The following ST7L variants were observed in gnomAD, a reference collection of about 807,000 sequenced individuals.
The protein encoded by ST7L is suppressor of tumorigenicity 7 protein-like.
A neutral mutation model predicts 72.5 loss-of-function variants in ST7L; 57 were observed. That is an observed-to-expected ratio of 0.79 (90% CI 0.64 to 0.98). ST7L has a LOEUF of 0.98. Ranked by LOEUF, ST7L falls within the 50% of genes least tolerant of loss-of-function variation. The pLI, the probability that ST7L is intolerant of heterozygous loss-of-function variation, is 0.00. For missense variants in ST7L, 576 were observed against 672.2 expected (o/e 0.86, Z 1.58); for synonymous variants, 221 against 240.9 (o/e 0.92, Z 0.77).
chr1:112,534,067 C>G (rs1012407141), intron 14 of ST7L, among the ~76,000 whole-genome samples: 3 of 152,172 alleles, frequency 2.0e-5, no homozygotes, highest in African/African-American at 7.2e-5. Flanking sequence ...CCCACTGATA[C>G]TTGTCTTTGC....
In ST7L at chr1:112,526,040, T is replaced by C; in HGVS notation, c.1701A>G (p.Ser567=). The stretch of plus-strand genomic sequence containing the variant: ...AGCCAGAACTCAAACCTAGGTCTTC[T>C]GACTTCAAATCCTGTGTATTCTCCT... ...GFEENTQDLK[S]EDLGLSSG Residue 567 remains serine, a synonymous_variant, in exon 15 of 15, where the codon TCA becomes TCG. Coordinates refer to ENST00000358039, the MANE Select transcript of ST7L (RefSeq NM_017744.5). 2.8e-5 allele frequency: 45 copies of C among 1,614,214 alleles called. No homozygotes were observed. The highest frequency in any genetic ancestry group is 3.8e-5 in the Non-Finnish European group (45 of 1,180,044).
Position 112,542,073 on chromosome 1 carries a change from C to T in ST7L, c.1507G>A (p.Val503Ile). The T allele has an allele frequency of 6.2e-7, 1 of 1,609,736 alleles. No individual in the cohort carries two copies. Among genetic ancestry groups the T allele is most frequent in the South Asian group, 1.1e-5 (1 of 90,042 alleles). ...AAAGGAAGCTCCTTTTTTGGGTAAA[C>T]AGAAACATGATGAAAGGCTGCAATG... ...ELLPTFHHVS[V>I]YPKKELPLFI... Residue 503 changes from valine to isoleucine, a missense_variant, in exon 14 of 15, where the codon GTT (valine) becomes ATT (isoleucine). Around this residue, in one of 3 missense-constraint regions of ST7L, gnomAD observed 511 missense variants for 600.7 expected, o/e 0.85. Coordinates refer to ENST00000358039, the MANE Select transcript of ST7L (RefSeq NM_017744.5).
At chr1:112,571,283 A>G (rs1662089379) in intron 11 of ST7L, 1 of 456,494 alleles carries the variant, frequency 2.2e-6, no homozygotes, top group Non-Finnish European at 4.4e-6. Flanking sequence ...ACTTAGCTGG[A>G]TATTTTGAAA....
chr1:112,604,178 G>A (rs1667841745), intron 3 of ST7L, among the ~76,000 whole-genome samples: 1 of 152,080 alleles, frequency 6.6e-6, no homozygotes, highest in Admixed American at 6.5e-5. Context: ...GTATGGTGGC[G>A]CATGCTTGTA....
chr1:112,601,896 T>G (rs1370774668), intron 3 of ST7L, among the ~76,000 whole-genome samples: 2 of 151,782 alleles, frequency 1.3e-5, no homozygotes, highest in Non-Finnish European at 2.9e-5. Flanking sequence ...CTAGCCAACA[T>G]AATAAAACTC....
At chr1:112,559,242 T>C (rs1659687239) in intron 11 of ST7L, among the ~76,000 whole-genome samples, 1 of 152,168 alleles carries the variant, frequency 6.6e-6, no homozygotes. Flanking sequence ...TGTCAAAAAA[T>C]ACTTTTATTT....
chr1:112,556,828 C>G (rs1054947580), intron 11 of ST7L, among the ~76,000 whole-genome samples: 2 of 151,484 alleles, frequency 1.3e-5, no homozygotes, highest in Admixed American at 1.3e-4. Context: ...ATTAGCTGGG[C>G]CTGGTGGTGC....
chr1:112,537,107 T>C (rs1655343803), intron 14 of ST7L, among the ~76,000 whole-genome samples: 1 of 152,108 alleles, frequency 6.6e-6, no homozygotes, highest in African/African-American at 2.4e-5. Flanking sequence ...GCAGTTCTCC[T>C]GCCTCAGCCT....
chr1:112,534,932 G>A (rs1457618976), intron 14 of ST7L, among the ~76,000 whole-genome samples: 6 of 150,994 alleles, frequency 4.0e-5, no homozygotes. Flanking sequence ...GGGGAAAAAA[G>A]ATGATTAAAC....
rs1313259441 is a variant in ST7L, at chr1:112,618,948, G to T, written c.166C>A (p.Leu56Met). ...FVAGLGLLYA[L>M]RIPLRLCENL... ...TCACACAGCCTCAAAGGGATCCTCAGGGCGTAAAGCAGCCCCAGCCCCGCC... is the reference window on the plus strand; with the variant it reads ...TCACACAGCCTCAAAGGGATCCTCATGGCGTAAAGCAGCCCCAGCCCCGCC... Residue 56 changes from leucine (L) to methionine (M), a missense_variant, in exon 1 of 15, where the codon CTG becomes ATG. Around this residue, in one of 3 missense-constraint regions of ST7L, gnomAD observed 511 missense variants for 600.7 expected, o/e 0.85. Transcript: ENST00000358039. The T allele has an allele frequency of 6.3e-7, 1 of 1,588,736 alleles. No individual in the cohort carries two copies. The highest frequency in any genetic ancestry group is 8.6e-7 in the Non-Finnish European group (1 of 1,167,710).
intron 5 of ST7L, among the ~76,000 whole-genome samples, chr1:112,593,776 A>G (rs2101971032): frequency 6.6e-6 from 1 of 152,350 alleles, no homozygotes; most frequent in African/African-American, 2.4e-5. Flanking sequence ...AAATTAATAG[A>G]ATAAGAACAA....
At chr1:112,542,591 T>A (rs1264462886) in intron 13 of ST7L, among the ~76,000 whole-genome samples, 8 of 151,956 alleles carry the variant, frequency 5.3e-5, no homozygotes, top group African/African-American at 9.7e-5. Flanking sequence ...TAAAAATTTT[T>A]AAAAATTTTA....
At chr1:112,599,276 C>T (rs1229957023) in intron 4 of ST7L, among the ~76,000 whole-genome samples, 2 of 151,580 alleles carry the variant, frequency 1.3e-5, no homozygotes, top group African/African-American at 4.8e-5. Context: ...TCCCTTAACA[C>T]AGGCTAATGG....
intron 9 of ST7L, among the ~76,000 whole-genome samples, chr1:112,580,303 C>G (rs1663882050): frequency 6.6e-6 from 1 of 152,150 alleles, no homozygotes; most frequent in South Asian, 2.1e-4. Flanking sequence ...CGCATGCCAC[C>G]ACACCCAGCT....
At chr1:112,608,628 A>G (rs1330218136) in intron 3 of ST7L, among the ~76,000 whole-genome samples, 1 of 152,162 alleles carries the variant, frequency 6.6e-6, no homozygotes. Context: ...TGCTATTGTT[A>G]TAATTATTTA....
chr1:112,527,702 T>TC (rs1384777641), intron 14 of ST7L: 1 of 152,610 alleles, frequency 6.6e-6, no homozygotes, highest in Non-Finnish European at 1.5e-5. Context: ...CTACTCCTGG[T>TC]CTCACATCTA....
chr1:112,573,452 A>T (rs1160531742), intron 11 of ST7L, among the ~76,000 whole-genome samples: 1 of 152,098 alleles, frequency 6.6e-6, no homozygotes, highest in Non-Finnish European at 1.5e-5. Context: ...TTATGTCAAT[A>T]CATTTGAGAA....
chr1:112,573,864 A>T (rs992607213), intron 11 of ST7L, among the ~76,000 whole-genome samples: 1 of 149,136 alleles, frequency 6.7e-6, no homozygotes, highest in East Asian at 2.0e-4. Flanking sequence ...ACTGCACTCC[A>T]GCCTGGGCAT....
chr1:112,536,606 T>A (rs1655251452), intron 14 of ST7L, among the ~76,000 whole-genome samples: 1 of 152,138 alleles, frequency 6.6e-6, no homozygotes, highest in African/African-American at 2.4e-5. Context: ...AGTGAGACAT[T>A]CTGTAGAGAG....
Sources: gnomAD v4.1 joint callset for allele counts (sites outside exome capture counted in the v4.1 genomes callset) on GRCh38, gnomAD v4.1.1 for gene constraint, gnomAD v4.1.1 regional missense constraint, MANE v1.5 for transcripts, NCBI Gene and HGNC (gene_info 2026-07-23, HGNC 2026-07-21) for gene names.